Variants in NELL1 observed in about 807,000 individuals in gnomAD.
The protein encoded by NELL1 is neural EGFL like 1.
A neutral mutation model predicts 107.4 loss-of-function variants in NELL1; 76 were observed. The observed-to-expected ratio is 0.71, with a 90% CI of 0.59 to 0.86. The LOEUF is 0.86. Ranked by LOEUF, NELL1 falls within the 40% of genes least tolerant of loss-of-function variation. The pLI, the probability that NELL1 is intolerant of heterozygous loss-of-function variation, is 0.00. For missense variants in NELL1, 1,024 were observed against 1,005.5 expected, an observed-to-expected ratio of 1.02 and a Z score of -0.25; for synonymous variants, 353 against 341.2, an observed-to-expected ratio of 1.03 and a Z score of -0.38.
intron 2 of NELL1, among the ~76,000 whole-genome samples, chr11:20,776,090 A>G (rs1366371009): frequency 6.6e-6 from 1 of 152,200 alleles, no homozygotes; most frequent in Non-Finnish European, 1.5e-5. Context: ...TGCTTGGTGT[A>G]GTGTACATGT....
chr11:20,945,866 A>C (rs79682214), intron 10 of NELL1, among the ~76,000 whole-genome samples: 3,364 of 152,270 alleles, frequency 0.022, 120 homozygotes, highest in African/African-American at 0.077. Flanking sequence ...GAGTAGCAGG[A>C]TCGATTCTCA....
In NELL1 at chr11:21,201,990, G is replaced by A. The variant is rs559142277; in HGVS notation, c.1427-27342G>A. On this transcript the variant is annotated intron_variant, in intron 13 of 19. Transcript: ENST00000357134. Reference sequence around the variant, plus strand: ...CAGGGGTGAAGCCGACTTGATCGTCGTGGATAAGCTTTTTGATGTGCTGCC... The same window carrying A: ...CAGGGGTGAAGCCGACTTGATCGTCATGGATAAGCTTTTTGATGTGCTGCC... Among the ~76,000 whole-genome samples the A allele has an allele frequency of 4.6e-5, 7 of 152,288 alleles. No homozygotes were observed. The South Asian group carries it at 8.3e-4, about 18-fold the overall frequency.
At chr11:20,810,120 T>C (rs1168479352) in intron 3 of NELL1, among the ~76,000 whole-genome samples, 1 of 152,162 alleles carries the variant, frequency 6.6e-6, no homozygotes, top group Non-Finnish European at 1.5e-5. Context: ...CTTTTTTTTT[T>C]CATATATCTG....
At chr11:21,124,664 C>T (rs1195334206) in intron 13 of NELL1, among the ~76,000 whole-genome samples, 11 of 150,276 alleles carry the variant, frequency 7.3e-5, no homozygotes, top group Admixed American at 1.3e-4. Context: ...TGCAATGGTG[C>T]GATCTCGGCT....
At chr11:20,714,078 C>G (rs1456536150) in intron 2 of NELL1, among the ~76,000 whole-genome samples, 1 of 151,070 alleles carries the variant, frequency 6.6e-6, no homozygotes, top group Non-Finnish European at 1.5e-5. Context: ...TTGTTTTTTT[C>G]TGGTATGTTT....
intron 15 of NELL1, among the ~76,000 whole-genome samples, chr11:21,436,713 G>A (rs1853132495): frequency 6.6e-6 from 1 of 151,940 alleles, no homozygotes. Context: ...GTTCCTTGAG[G>A]TGCATTGCTA....
chr11:21,342,469 A>G (rs1301553526), intron 14 of NELL1, among the ~76,000 whole-genome samples: 1 of 150,478 alleles, frequency 6.6e-6, no homozygotes, highest in Non-Finnish European at 1.5e-5. Flanking sequence ...ACATAGCAAG[A>G]CCACATTTCT....
intron 14 of NELL1, among the ~76,000 whole-genome samples, chr11:21,345,636 G>A (rs1029370802): frequency 2.6e-5 from 4 of 152,162 alleles, no homozygotes; most frequent in Non-Finnish European, 2.9e-5. Context: ...ACTATGCCTT[G>A]TCTACTATAA....
intron 16 of NELL1, among the ~76,000 whole-genome samples, chr11:21,539,522 C>A (rs886623651): frequency 6.6e-6 from 1 of 151,504 alleles, no homozygotes; most frequent in African/African-American, 2.4e-5. Flanking sequence ...GGGATGGATG[C>A]GGAGCTGGAA....
intron 5 of NELL1, among the ~76,000 whole-genome samples, chr11:20,913,919 T>C (rs1041141437): frequency 6.6e-6 from 1 of 152,058 alleles, no homozygotes; most frequent in African/African-American, 2.4e-5. Flanking sequence ...AAAACTGTCT[T>C]AGCAAATTAT....
chr11:21,341,346 GT>G (rs1314659754), intron 14 of NELL1, among the ~76,000 whole-genome samples: 1 of 152,166 alleles, frequency 6.6e-6, no homozygotes, highest in African/African-American at 2.4e-5. Context: ...CTATCTCTGT[GT>G]TTTCCTCATA....
chr11:20,810,876 G>A (rs1857488719), intron 3 of NELL1, among the ~76,000 whole-genome samples: 1 of 151,588 alleles, frequency 6.6e-6, no homozygotes, highest in African/African-American at 2.4e-5. Flanking sequence ...ATGAGTTTTT[G>A]TAGTTTCTTA....
intron 15 of NELL1, among the ~76,000 whole-genome samples, chr11:21,451,203 GAAAAAAA>G (rs1235279037): frequency 0.013 from 1,526 of 113,916 alleles, 9 homozygotes; most frequent in Non-Finnish European, 0.02. Context: ...AAAAAAAAAA[GAAAAAAA>G]AAAGAAAAAA....
chr11:21,458,525 A>G (rs1590948252), intron 15 of NELL1, among the ~76,000 whole-genome samples: 1 of 152,232 alleles, frequency 6.6e-6, no homozygotes, highest in Non-Finnish European at 1.5e-5. Flanking sequence ...AGTAGTCACA[A>G]CCATTGTAAA....
intron 13 of NELL1, among the ~76,000 whole-genome samples, chr11:21,152,839 C>T (rs1856149053): frequency 6.6e-6 from 1 of 151,942 alleles, no homozygotes; most frequent in Non-Finnish European, 1.5e-5. Flanking sequence ...GAGCTATTTC[C>T]AGAGGCTTTT....
chr11:21,176,125 A>T (rs1856706942), intron 13 of NELL1, among the ~76,000 whole-genome samples: 1 of 151,814 alleles, frequency 6.6e-6, no homozygotes, highest in African/African-American at 2.4e-5. Flanking sequence ...CGTTGCTGTG[A>T]GGATTAAATA....
chr11:21,367,299 CACAA>C (rs888448175), intron 14 of NELL1, among the ~76,000 whole-genome samples: 2 of 127,420 alleles, frequency 1.6e-5, no homozygotes, highest in African/African-American at 2.8e-5. Flanking sequence ...CACACACACA[CACAA>C]TCTATTTTTG....
At chr11:21,371,554 T>C (rs551038396) in intron 15 of NELL1, among the ~76,000 whole-genome samples, 46 of 152,244 alleles carry the variant, frequency 3.0e-4, no homozygotes, top group African/African-American at 1.1e-3. Context: ...CCAACTCTTA[T>C]TGATTGGAGA....
chr11:21,269,913 A>G (rs1023427862), intron 14 of NELL1, among the ~76,000 whole-genome samples: 2 of 152,138 alleles, frequency 1.3e-5, no homozygotes, highest in African/African-American at 4.8e-5. Flanking sequence ...GATGGGAGAG[A>G]GAATTAGGCT....
Sources: gnomAD v4.1 joint callset for allele counts (sites outside exome capture counted in the v4.1 genomes callset) on GRCh38, gnomAD v4.1.1 for gene constraint, MANE v1.5 for transcripts, NCBI Gene and HGNC (gene_info 2026-07-23, HGNC 2026-07-21) for gene names.